The following GRB2 variants were observed in gnomAD, a reference collection of about 807,000 sequenced individuals.
GRB2 encodes growth factor receptor-bound protein 2.
GRB2 carries 2 observed loss-of-function variants against 27.4 expected under a neutral mutation model. The observed-to-expected ratio is 0.07, with a 90% CI of 0.03 to 0.23. The LOEUF (loss-of-function observed/expected upper bound fraction) is 0.23, where lower values mean the gene tolerates loss of function less well. Among genes scored for constraint, GRB2 ranks in the 10% least tolerant of loss-of-function variants. The probability of loss-of-function intolerance (pLI) is 1.00; values close to 1 mark genes in which losing one functional copy is unlikely to be tolerated. For synonymous variants in GRB2, 94 were observed against 99.6 expected (o/e 0.94, Z 0.33); for missense variants, 102 against 282.4 (o/e 0.36, Z 4.58).
chr17:75,338,459 A>T (rs924268653), intron 2 of GRB2, among the ~76,000 whole-genome samples: 1 of 152,180 alleles, frequency 6.6e-6, no homozygotes, highest in African/African-American at 2.4e-5. Context: ...CCTCTGCACA[A>T]ATCCACGGGT....
intron 2 of GRB2, chr17:75,371,093 T>C (rs2145854939): frequency 6.6e-6 from 1 of 152,590 alleles, no homozygotes; most frequent in East Asian, 1.9e-4. Context: ...GAGGACTGCT[T>C]GAGTCCAGGA....
chr17:75,339,265 C>T (rs899440824), intron 2 of GRB2: 18 of 587,376 alleles, frequency 3.1e-5, no homozygotes, highest in Middle Eastern at 9.7e-4. Flanking sequence ...ACGATCTCGG[C>T]TCACTGCAAG....
intron 2 of GRB2, among the ~76,000 whole-genome samples, chr17:75,350,471 T>C (rs796638763): frequency 3.0e-4 from 46 of 152,282 alleles, no homozygotes; most frequent in African/African-American, 6.5e-4. Flanking sequence ...GAAAGCTCAC[T>C]TGGGCGGTAA....
Position 75,318,579 on chromosome 17 carries a change from A to G in GRB2, c.*1789T>C, listed in dbSNP as rs1434025563. The G allele has an allele frequency of 1.3e-5, 2 of 152,218 alleles. No homozygotes were observed. Among genetic ancestry groups the G allele is most frequent in the African/African-American group, 4.8e-5 (2 of 41,426 alleles). 9.4% of individuals were successfully genotyped at this position (152,218 alleles called of 1,614,324 possible). On this transcript the variant is annotated 3_prime_UTR_variant, in exon 6 of 6. Transcript: ENST00000316804. ...TCACCACAGGGGACCAGAAGTGGAGAGAAGACAGAGAGTTCTGCCGAGGCC... is the reference window on the plus strand; with the variant it reads ...TCACCACAGGGGACCAGAAGTGGAGGGAAGACAGAGAGTTCTGCCGAGGCC...
chr17:75,388,097 TTTTG>T (rs1048189300), intron 2 of GRB2, among the ~76,000 whole-genome samples: 3 of 152,082 alleles, frequency 2.0e-5, no homozygotes, highest in African/African-American at 7.2e-5. Context: ...TCCCTTCCTT[TTTTG>T]TTTTTGTTTT....
At chr17:75,391,195 G>A (rs1021830478) in intron 2 of GRB2, among the ~76,000 whole-genome samples, 2 of 151,754 alleles carry the variant, frequency 1.3e-5, no homozygotes, top group African/African-American at 2.4e-5. Flanking sequence ...AATGGCCACC[G>A]TTCAAAAGCA....
At chr17:75,322,735 A>T (rs1182152114) in intron 4 of GRB2, among the ~76,000 whole-genome samples, 2 of 152,258 alleles carry the variant, frequency 1.3e-5, no homozygotes, top group East Asian at 3.9e-4. Context: ...GCTGGCTGGT[A>T]CTAGCTCACA....
rs114953423 is a variant in GRB2 at position 75,389,025 on chromosome 17, C to A, written c.78+4526G>T. Among the ~76,000 whole-genome samples, 1,428 of 152,274 alleles carry A rather than the reference C, an allele frequency of 9.4e-3. 26 individuals are homozygous for A. Among genetic ancestry groups the A allele is most frequent in the South Asian group, 0.049 (234 of 4,824 alleles). On this transcript the variant is annotated intron_variant, in intron 2 of 5. Coordinates refer to ENST00000316804, the MANE Select transcript of GRB2 (RefSeq NM_002086.5). The stretch of plus-strand genomic sequence containing the variant: ...GTTGATACAGACACTTGACACACAA[C>A]CCGATTACTTGCCACCATCCAGGCT...
intron 3 of GRB2, among the ~76,000 whole-genome samples, chr17:75,331,771 G>A (rs1476354086): frequency 2.0e-5 from 3 of 152,122 alleles, no homozygotes; most frequent in Admixed American, 2.0e-4. Context: ...TTGCTATCTG[G>A]CTCTTCACAG....
intron 2 of GRB2, among the ~76,000 whole-genome samples, chr17:75,363,145 G>A (rs908199273): frequency 2.0e-5 from 3 of 152,116 alleles, no homozygotes; most frequent in Non-Finnish European, 4.4e-5. Flanking sequence ...GGAAAGGGAA[G>A]GCTATTTTCC....
chr17:75,364,661 G>C (rs1350350932), intron 2 of GRB2, among the ~76,000 whole-genome samples: 2 of 151,996 alleles, frequency 1.3e-5, no homozygotes, highest in Non-Finnish European at 2.9e-5. Context: ...AGTACGTCCT[G>C]TAATCAGTCA....
chr17:75,336,031 A>C (rs1440253576), intron 2 of GRB2, among the ~76,000 whole-genome samples: 1 of 152,206 alleles, frequency 6.6e-6, no homozygotes, highest in East Asian at 1.9e-4. Context: ...CTGCCCCTGT[A>C]CTGGCAGCAC....
intron 2 of GRB2, among the ~76,000 whole-genome samples, chr17:75,385,063 A>G (rs1486390132): frequency 1.4e-5 from 1 of 71,066 alleles, no homozygotes; most frequent in Non-Finnish European, 4.7e-5. Context: ...AAAAAAGCAA[A>G]CAAACAAACA....
At chr17:75,341,838 T>G (rs925623908) in intron 2 of GRB2, among the ~76,000 whole-genome samples, 25 of 152,174 alleles carry the variant, frequency 1.6e-4, no homozygotes, top group African/African-American at 5.5e-4. Context: ...CAACAACGCT[T>G]AAGTGCTCCA....
At chr17:75,321,198 A>G (rs553504363) in intron 5 of GRB2, among the ~76,000 whole-genome samples, 2 of 98,928 alleles carry the variant, frequency 2.0e-5, no homozygotes, top group South Asian at 6.3e-4. Context: ...TTTTTTTGAA[A>G]TGAAGTCTCC....
chr17:75,328,693 C>G (rs997432711), intron 3 of GRB2, among the ~76,000 whole-genome samples: 6 of 151,998 alleles, frequency 3.9e-5, no homozygotes, highest in Admixed American at 2.6e-4. Context: ...AATCCCAGCA[C>G]TTTGGGAGGC....
chr17:75,389,376 GAAC>G (rs1436385917), intron 2 of GRB2, among the ~76,000 whole-genome samples: 2 of 152,042 alleles, frequency 1.3e-5, no homozygotes, highest in Non-Finnish European at 2.9e-5. Context: ...CATCCTTCCT[GAAC>G]GACTCTAGCA....
chr17:75,334,582 C>T (rs989247094), intron 2 of GRB2, among the ~76,000 whole-genome samples: 3 of 151,842 alleles, frequency 2.0e-5, no homozygotes, highest in African/African-American at 7.3e-5. Flanking sequence ...GCCAGTCCTA[C>T]CTATAAGTTT....
Position 75,320,145 on chromosome 17 carries a change from T to A in GRB2, c.*223A>T, listed in dbSNP as rs1266440900. 1.5e-5 allele frequency: 7 copies of A among 474,416 alleles called. No individual in the cohort carries two copies. In the South Asian group the frequency reaches 1.8e-4, roughly 12 times the overall value. The allele number at this position is 474,416 out of a possible 1,614,324, so 29.4% of individuals were successfully genotyped here. Reference sequence around the variant, plus strand: ...GGAAAGAGGAGCAGCAGTGAAAATTTGTAATAAAAACTCTTCTTAATTTAT... The same window carrying A: ...GGAAAGAGGAGCAGCAGTGAAAATTAGTAATAAAAACTCTTCTTAATTTAT... On this transcript the variant is annotated 3_prime_UTR_variant, in exon 6 of 6. Coordinates refer to ENST00000316804, the MANE Select transcript of GRB2 (RefSeq NM_002086.5). This position sits in a 1 kb window ranked among gnomAD's most constrained non-coding sequence, Gnocchi z 4.3.
Sources: allele counts gnomAD v4.1 joint callset (sites outside exome capture counted in the v4.1 genomes callset), GRCh38; gene constraint gnomAD v4.1.1; non-coding constraint Gnocchi (gnomAD v3.1); transcripts MANE v1.5; gene names NCBI Gene and HGNC (gene_info 2026-07-23, HGNC 2026-07-21).